The following ABCA9 variants were observed in gnomAD, a reference collection of about 807,000 sequenced individuals.
ABCA9 encodes ATP binding cassette subfamily A member 9.
ABCA9 carries 183 observed loss-of-function variants against 205.3 expected under a neutral mutation model. That is an observed-to-expected ratio of 0.89 (90% CI 0.79 to 1.01). The LOEUF is 1.01. Among genes scored for constraint, ABCA9 ranks in the 50% least tolerant of loss-of-function variants. The probability of loss-of-function intolerance (pLI) is 0.00; values close to 1 mark genes in which losing one functional copy is unlikely to be tolerated. For missense variants in ABCA9, 1,805 were observed against 1,912.4 expected, an observed-to-expected ratio of 0.94 and a Z score of 1.05; for synonymous variants, 651 against 683.3, an observed-to-expected ratio of 0.95 and a Z score of 0.74.
At position 69,044,517 on chromosome 17, in the gene ABCA9, TG is replaced by T. The variant is rs763875789; in HGVS notation, c.552del (p.Ile185LeufsTer6). The T allele has an allele frequency of 6.8e-6, 11 of 1,613,128 alleles. No homozygotes were observed. In the South Asian group the frequency reaches 1.2e-4, roughly 18 times the overall value. Reference protein sequence around the residue: ...WEKGFVAFQAAINAAIIEIAT... With the variant: ...WEKGFVAFQAXINAAIIEIAT... The stretch of plus-strand genomic sequence containing the variant: ...CTCACTTCTATGATAGCAGCATTAA[TG>T]GCAGCTTGAAAAGCTACAAAGCCTT... On this transcript the variant is annotated frameshift_variant, in exon 5 of 39. Transcript: ENST00000340001. LOFTEE classifies it high-confidence loss of function.
At chr17:68,983,592 T>A (rs1479975155) in intron 36 of ABCA9, 117 bp downstream of exon 36, 1 of 1,372,706 alleles carries the variant, frequency 7.3e-7, no homozygotes, top group Non-Finnish European at 9.9e-7. Flanking sequence ...TTAAGTAAAG[T>A]ACTTGCAATT....
chr17:68,992,985 G>A lies in ABCA9; in HGVS notation c.3624+31C>T, dbSNP rs758429855. 6 of 1,542,944 alleles carry A rather than the reference G, an allele frequency of 3.9e-6. No homozygotes were observed. The Admixed American group carries it at 1.0e-4, about 26-fold the overall frequency. On this transcript the variant is annotated intron_variant, in intron 27 of 38. Coordinates refer to ENST00000340001, the MANE Select transcript of ABCA9 (RefSeq NM_080283.4). ...ACATACAAAAGTTGTGTTCCCTCAT[G>A]CAAGAATGTTGAAAAAAAAAGTCTT... is the stretch of plus-strand genomic sequence containing the variant.
At chr17:69,043,295 G>A (rs2071606750) in intron 6 of ABCA9, 194 bp downstream of exon 6, 5 of 522,248 alleles carry the variant, frequency 9.6e-6, no homozygotes, top group African/African-American at 1.9e-5. Flanking sequence ...GCAATAGGGA[G>A]TGGCTGTAAA....
At position 69,020,465 on chromosome 17, in the gene ABCA9, G is replaced by A. The variant is rs565670197; in HGVS notation, c.2523C>T (p.Leu841=). 2.5e-6 allele frequency: 4 copies of A among 1,614,028 alleles called. No homozygotes were observed. The highest frequency in any genetic ancestry group is 1.7e-6 in the Non-Finnish European group (2 of 1,179,962). ...CTATTGCACAGACCTGCTGCCTCCAGAGCGCCACGCCACTGATTGTTTTCC... is the reference window on the plus strand; with the variant it reads ...CTATTGCACAGACCTGCTGCCTCCAAAGCGCCACGCCACTGATTGTTTTCC... ...ETRKTISGVA[L]WRQQVCAIAK... is the part of the protein sequence containing the mutation. The change falls in exon 19 of 39, where the codon CTC becomes CTT. Residue 841 remains leucine (L), a synonymous_variant. Coordinates refer to ENST00000340001, the MANE Select transcript of ABCA9 (RefSeq NM_080283.4).
At chr17:68,987,585 A>C (rs564180704) in intron 31 of ABCA9, among the ~76,000 whole-genome samples, 1 of 152,166 alleles carries the variant, frequency 6.6e-6, no homozygotes, top group Non-Finnish European at 1.5e-5. Context: ...GATCAAACCC[A>C]AAGATCCCAC....
chr17:69,018,541 A>G lies in ABCA9; in HGVS notation c.2639T>C (p.Leu880Ser). 1 of 1,603,332 alleles carries G rather than the reference A, an allele frequency of 6.2e-7. No individual in the cohort carries two copies. Among genetic ancestry groups the G allele is most frequent in the Non-Finnish European group, 8.5e-7 (1 of 1,176,326 alleles). The change falls in exon 20 of 39, where the codon TTG becomes TCG. Residue 880 changes from leucine to serine, a missense_variant. Coordinates refer to ENST00000340001, the MANE Select transcript of ABCA9 (RefSeq NM_080283.4). The part of the protein sequence containing the change: ...LFGISFIPQL[L>S]EHLFYESYQK... ...ATATGACTCGTAGAATAGATGTTCC[A>G]AAAGTTGAGGGATAAAGCTAATACC...
chr17:69,036,383 AT>A (rs529677362), intron 6 of ABCA9, among the ~76,000 whole-genome samples: 227 of 152,182 alleles, frequency 1.5e-3, no homozygotes, highest in African/African-American at 5.3e-3. Context: ...TGTTCATTGA[AT>A]TTTTTTCCCA....
chr17:68,986,567 C>T, intron 31 of ABCA9: 1 of 364,744 alleles, frequency 2.7e-6, no homozygotes, highest in Non-Finnish European at 4.9e-6. Flanking sequence ...TGATTGAACT[C>T]AAGATTGCTG....
At position 69,032,101 on chromosome 17, in the gene ABCA9, T is replaced by C. The variant is rs1432909408; in HGVS notation, c.1445+7A>G. ...CCATTGGTGCCTCCAAGTAATTTAT[T>C]GGTTACCTGATGGCTTCTTTCCCAC... On this transcript the variant is annotated splice_region_variant and intron_variant, in intron 10 of 38. Transcript: ENST00000340001. 2.5e-6 allele frequency: 4 copies of C among 1,604,106 alleles called. No individual in the cohort carries two copies. Among genetic ancestry groups the C allele is most frequent in the Non-Finnish European group, 3.4e-6 (4 of 1,175,256 alleles).
chr17:69,069,273 TA>T, the ABCA9 span, among the ~76,000 whole-genome samples: 1 of 152,146 alleles, frequency 6.6e-6, no homozygotes, highest in Non-Finnish European at 1.5e-5. Flanking sequence ...CAGAAATCAC[TA>T]GAGCCAGAAA....
intron 19 of ABCA9, 37 bp downstream of exon 19, chr17:69,020,351 C>T: frequency 1.3e-6 from 2 of 1,541,384 alleles, no homozygotes; most frequent in Non-Finnish European, 1.7e-6. Context: ...ATTTTTAGTT[C>T]ACAGACAAAA....
intron 6 of ABCA9, chr17:69,042,632 T>C (rs1256332453): frequency 6.6e-6 from 1 of 152,238 alleles, no homozygotes; most frequent in African/African-American, 2.4e-5. Context: ...TGTATTTGGG[T>C]TCACCCATAT....
At position 69,028,427 on chromosome 17, in the gene ABCA9, A is replaced by G. The variant is rs1598391393; in HGVS notation, c.1615+108T>C. ...TGATCCACCTGCCTCGGCTTCCCAA[A>G]GTGCTGGGATTACAGGTGTGAGCCA... is the stretch of plus-strand genomic sequence containing the variant. On this transcript the variant is annotated intron_variant, in intron 12 of 38. Transcript: ENST00000340001. The G allele has an allele frequency of 4.8e-6, 3 of 626,284 alleles. No individual in the cohort carries two copies. In the East Asian group the frequency reaches 9.4e-5, roughly 20 times the overall value. The allele number at this position is 626,284 out of a possible 1,614,324, so 38.8% of individuals were successfully genotyped here.
chr17:69,016,306 C>T lies in ABCA9; in HGVS notation c.2986G>A (p.Gly996Arg), dbSNP rs753639797. 5 of 1,598,942 alleles carry T rather than the reference C, an allele frequency of 3.1e-6. No individual in the cohort carries two copies. Among genetic ancestry groups the T allele is most frequent in the Admixed American group, 3.5e-5 (2 of 56,872 alleles). The change falls in exon 22 of 39, where the codon GGA (glycine) becomes AGA (arginine). Residue 996 changes from glycine (G) to arginine (R), a missense_variant. Transcript: ENST00000340001. Reference sequence around the variant, plus strand: ...ATGTGTTCTGACGAATTAAAAATTCCAAGTAGTCCATTGCTAATGACATCC... The same window carrying T: ...ATGTGTTCTGACGAATTAAAAATTCTAAGTAGTCCATTGCTAATGACATCC... ...LLDVISNGLL[G>R]IFNSSEHIQT...
intron 3 of ABCA9, among the ~76,000 whole-genome samples, chr17:69,047,049 C>T (rs1003665971): frequency 6.0e-5 from 9 of 150,878 alleles, no homozygotes; most frequent in African/African-American, 2.0e-4. Flanking sequence ...GCAACCTTCA[C>T]CTCCTGAGTG....
In ABCA9 at chr17:69,033,784, C is replaced by G; in HGVS notation, c.1218G>C (p.Leu406Phe). ...PYLIIATLFM[L>F]VFDTLLYLVL... is the part of the protein sequence containing the mutation. The stretch of plus-strand genomic sequence containing the variant: ...CCAAATACAGAAGGGTGTCAAAAAC[C>G]AACATGAAAAGAGTAGCTATTATGA... The change falls in exon 9 of 39, where the codon TTG (leucine) becomes TTC (phenylalanine). Residue 406 changes from leucine (L) to phenylalanine (F), a missense_variant. Leu to Phe is a conservative substitution (Grantham distance 22). Transcript: ENST00000340001. 6.2e-7 allele frequency: 1 copy of G among 1,611,124 alleles called. No homozygotes were observed. Among genetic ancestry groups the G allele is most frequent in the Non-Finnish European group, 8.5e-7 (1 of 1,178,384 alleles).
rs202154476 is a variant in ABCA9 at position 69,017,776 on chromosome 17, A to G, written c.2781T>C (p.Asp927=). ...LVINKTGSTI[D]NFLHSLRRQN... ...GTCGCCTCAGTGAATGTAAAAAGTTATCAATGGTTGACCCTACATGAAGGC... is the reference window on the plus strand; with the variant it reads ...GTCGCCTCAGTGAATGTAAAAAGTTGTCAATGGTTGACCCTACATGAAGGC... Residue 927 remains aspartate, a synonymous_variant, in exon 21 of 39, where the codon GAT becomes GAC. Transcript: ENST00000340001. 1.9e-6 allele frequency: 3 copies of G among 1,613,144 alleles called. No homozygotes were observed. Among genetic ancestry groups the G allele is most frequent in the East Asian group, 2.2e-5 (1 of 44,870 alleles).
chr17:69,078,632 G>A, the ABCA9 span: 1 of 176,148 alleles, frequency 5.7e-6, no homozygotes, highest in Admixed American at 6.1e-5. Flanking sequence ...CTTGGCTACT[G>A]AATATACCCT....
chr17:69,046,875 C>CTATATA lies in ABCA9; in HGVS notation c.305-1545_305-1540dup, dbSNP rs71144650. 5.1e-3 allele frequency among the ~76,000 whole-genome samples: 652 copies of CTATATA among 127,584 alleles called. 1 individual carries two copies. Among genetic ancestry groups the CTATATA allele is most frequent in the African/African-American group, 8.6e-3 (288 of 33,310 alleles). 83.7% of individuals were successfully genotyped at this position (127,584 alleles called of 152,430 possible). A position where few individuals can be genotyped will look rare whatever the true frequency, so the allele number is the denominator to read the frequency against. On this transcript the variant is annotated intron_variant, in intron 3 of 38. Coordinates refer to ENST00000340001, the MANE Select transcript of ABCA9 (RefSeq NM_080283.4). ...CACATTGCCTGAAGGCGATTTTATA[C>CTATATA]TATATATATATATATATATATATAT... is the stretch of plus-strand genomic sequence containing the variant.
Sources: allele counts gnomAD v4.1 joint callset (sites outside exome capture counted in the v4.1 genomes callset), GRCh38; gene constraint gnomAD v4.1.1; transcripts MANE v1.5; gene names NCBI Gene and HGNC (gene_info 2026-07-23, HGNC 2026-07-21).